FAM13C: variants seen among roughly 807,000 people sequenced by gnomAD.
FAM13C encodes the protein protein FAM13C.
Under a neutral mutation model 73.2 loss-of-function variants are expected in FAM13C, and 37 were observed. The ratio of observed to expected loss-of-function variants is 0.51; its 90% CI spans 0.39 to 0.67. The LOEUF (loss-of-function observed/expected upper bound fraction) is 0.67. Ranked by LOEUF, FAM13C falls within the 30% of genes least tolerant of loss-of-function variation. The pLI is 0.00. For synonymous variants in FAM13C, 246 were observed against 260.9 expected (o/e 0.94, Z 0.55); for missense variants, 589 against 715.6 (o/e 0.82, Z 2.02).
chr10:59,257,949 A>G (rs1250242023), intron 10 of FAM13C, among the ~76,000 whole-genome samples: 2 of 152,182 alleles, frequency 1.3e-5, no homozygotes. Context: ...ATGTTTCTGG[A>G]TTAATAACAC....
At chr10:59,278,017 C>T (rs567568695) in intron 6 of FAM13C, among the ~76,000 whole-genome samples, 7 of 152,302 alleles carry the variant, frequency 4.6e-5, no homozygotes, top group South Asian at 2.1e-4. Flanking sequence ...CACAGCTCCA[C>T]GTGGCTGTGG....
intron 13 of FAM13C, among the ~76,000 whole-genome samples, chr10:59,248,630 T>C (rs761116033): frequency 7.9e-5 from 12 of 152,184 alleles, no homozygotes; most frequent in Non-Finnish European, 1.8e-4. Flanking sequence ...GACACAGATA[T>C]AGTCACCACA....
At chr10:59,270,491 G>A (rs1007779503) in intron 6 of FAM13C, among the ~76,000 whole-genome samples, 1 of 150,686 alleles carries the variant, frequency 6.6e-6, no homozygotes, top group African/African-American at 2.5e-5. Context: ...TAGATTATCA[G>A]GAAGAAAAGG....
At chr10:59,300,151 T>C (rs1050685852) in intron 5 of FAM13C, among the ~76,000 whole-genome samples, 9 of 152,118 alleles carry the variant, frequency 5.9e-5, no homozygotes, top group African/African-American at 2.2e-4. Context: ...TCGGGTCAAG[T>C]GCCAGCTCTG....
At chr10:59,266,249 C>T (rs570812575) in intron 8 of FAM13C, among the ~76,000 whole-genome samples, 1 of 152,300 alleles carries the variant, frequency 6.6e-6, no homozygotes, top group African/African-American at 2.4e-5. Flanking sequence ...GCAGCCTTTT[C>T]TTAGCCCAAG....
chr10:59,311,829 C>A (rs1328362647), intron 4 of FAM13C, among the ~76,000 whole-genome samples: 1 of 152,124 alleles, frequency 6.6e-6, no homozygotes, highest in Non-Finnish European at 1.5e-5. Context: ...CAGAGAGACC[C>A]CAGTTGCTCA....
chr10:59,319,105 ACACACACACACACATT>A (rs1336522030), intron 4 of FAM13C, among the ~76,000 whole-genome samples: 22 of 148,336 alleles, frequency 1.5e-4, no homozygotes, highest in African/African-American at 5.8e-4. Flanking sequence ...ACACACACAC[ACACACACACACACATT>A]GTCTATCTCA....
chr10:59,317,763 C>CT lies in FAM13C; in HGVS notation c.443+6224dup, dbSNP rs1448749221. On this transcript the variant is annotated intron_variant, in intron 4 of 13. Coordinates refer to ENST00000618804, the MANE Select transcript of FAM13C (RefSeq NM_198215.4). The stretch of plus-strand genomic sequence containing the variant: ...TTTTTTTTCTTTTATTATTATTATA[C>CT]TTTAAGTTTTAGGGTACATGTGCAC... 3.3e-5 allele frequency among the ~76,000 whole-genome samples: 5 copies of CT among 151,628 alleles called. No homozygotes were observed. In the South Asian group the frequency reaches 1.0e-3, roughly 32 times the overall value.
chr10:59,258,117 C>T (rs577259517), intron 10 of FAM13C, among the ~76,000 whole-genome samples: 1 of 152,132 alleles, frequency 6.6e-6, no homozygotes, highest in East Asian at 1.9e-4. Flanking sequence ...AAAAAGATAT[C>T]CAGAATATAC....
At chr10:59,264,450 A>G (rs1411235629) in intron 8 of FAM13C, among the ~76,000 whole-genome samples, 1 of 152,140 alleles carries the variant, frequency 6.6e-6, no homozygotes, top group Non-Finnish European at 1.5e-5. Flanking sequence ...CATTTTTCAC[A>G]TAGTCCTGGC....
chr10:59,328,331 A>T (rs1411280830), intron 3 of FAM13C, among the ~76,000 whole-genome samples: 1 of 152,218 alleles, frequency 6.6e-6, no homozygotes, highest in Non-Finnish European at 1.5e-5. Context: ...CCCCTAAACC[A>T]GAATGGTGAA....
At chr10:59,308,478 C>A (rs919907818) in intron 4 of FAM13C, among the ~76,000 whole-genome samples, 1 of 151,488 alleles carries the variant, frequency 6.6e-6, no homozygotes, top group Non-Finnish European at 1.5e-5. Flanking sequence ...TCACTACCAC[C>A]ACTGCCACTA....
chr10:59,311,847 A>T (rs2133936549), intron 4 of FAM13C, among the ~76,000 whole-genome samples: 1 of 152,246 alleles, frequency 6.6e-6, no homozygotes, highest in African/African-American at 2.4e-5. Flanking sequence ...TCAGAGTGGC[A>T]ACCTACCAAG....
intron 13 of FAM13C, 188 bp downstream of exon 13, chr10:59,251,387 T>C: frequency 1.7e-6 from 1 of 593,540 alleles, no homozygotes; most frequent in East Asian, 2.7e-5. Context: ...ACAGCTACCA[T>C]GTCCCATGAA....
chr10:59,290,767 G>T (rs1007383069), intron 5 of FAM13C, among the ~76,000 whole-genome samples: 2 of 152,146 alleles, frequency 1.3e-5, no homozygotes, highest in African/African-American at 4.8e-5. Flanking sequence ...ATTGTTTACT[G>T]CTGCATCCTA....
At chr10:59,292,134 A>G (rs1490617552) in intron 5 of FAM13C, among the ~76,000 whole-genome samples, 1 of 152,200 alleles carries the variant, frequency 6.6e-6, no homozygotes, top group Non-Finnish European at 1.5e-5. Context: ...TCTAGATAAT[A>G]AGACTGATTT....
At chr10:59,298,780 TTC>T (rs1391836831) in intron 5 of FAM13C, among the ~76,000 whole-genome samples, 4 of 152,218 alleles carry the variant, frequency 2.6e-5, no homozygotes, top group Non-Finnish European at 5.9e-5. Flanking sequence ...GTTTTCCTTA[TTC>T]CATCCCTGAT....
At chr10:59,333,436 C>G (rs1327932298) in intron 3 of FAM13C, among the ~76,000 whole-genome samples, 1 of 152,042 alleles carries the variant, frequency 6.6e-6, no homozygotes, top group Admixed American at 6.6e-5. Context: ...TGCAGTGAGC[C>G]AAAATCACTC....
In FAM13C at chr10:59,269,906, A is replaced by T; in HGVS notation, c.796T>A (p.Phe266Ile). 1 of 1,613,846 alleles carries T rather than the reference A, an allele frequency of 6.2e-7. No individual in the cohort carries two copies. Among genetic ancestry groups the T allele is most frequent in the Non-Finnish European group, 8.5e-7 (1 of 1,179,838 alleles). The stretch of plus-strand genomic sequence containing the variant: ...ACAAAACAGTTTTCTCACATCATAA[A>T]CTGCTGAGTGCTGGGTGGAGATGGG... Reference protein sequence around the residue: ...SAPSPPSTQQFMMPRSSSRCS... With the variant: ...SAPSPPSTQQIMMPRSSSRCS... The change falls in exon 7 of 14, where the codon TTT becomes ATT. Residue 266 changes from phenylalanine to isoleucine, a missense_variant. Coordinates refer to ENST00000618804, the MANE Select transcript of FAM13C (RefSeq NM_198215.4).
Sources: gnomAD v4.1 joint callset for allele counts (sites outside exome capture counted in the v4.1 genomes callset) on GRCh38, gnomAD v4.1.1 for gene constraint, MANE v1.5 for transcripts, NCBI Gene and HGNC (gene_info 2026-07-23, HGNC 2026-07-21) for gene names.